TYROBP: variants seen among roughly 807,000 people sequenced by gnomAD.
The protein encoded by TYROBP is transmembrane immune signaling adaptor TYROBP.
Under a neutral mutation model 17.1 loss-of-function variants are expected in TYROBP, and 14 were observed. The observed-to-expected ratio is 0.82, with a 90% CI of 0.54 to 1.28. TYROBP has a LOEUF of 1.28. Among genes scored for constraint, TYROBP ranks in the 50% most tolerant of loss-of-function variants. The pLI, the probability that TYROBP is intolerant of heterozygous loss-of-function variation, is 0.00. For synonymous variants in TYROBP, 73 were observed against 67.4 expected, an observed-to-expected ratio of 1.08 and a Z score of -0.41; for missense variants, 161 against 151.4, an observed-to-expected ratio of 1.06 and a Z score of -0.33.
chr19:35,907,818 G>A, intron 1 of TYROBP, 56 bp from the exon 2 acceptor site: 1 of 1,591,224 alleles, frequency 6.3e-7, no homozygotes, highest in Non-Finnish European at 8.6e-7. Flanking sequence ...GGGTGGGGGA[G>A]GCAAGTTTAG....
chr19:35,908,096 C>T, intron 1 of TYROBP, 72 bp downstream of exon 1: 1 of 1,376,256 alleles, frequency 7.3e-7, no homozygotes, highest in Non-Finnish European at 1.0e-6. Context: ...TCTCTCGTTC[C>T]ACCCCACTCC....
chr19:35,907,246 C>G lies in TYROBP; in HGVS notation c.248G>C (p.Arg83Pro). The change falls in exon 4 of 5, where the codon CGT becomes CCT. Residue 83 changes from arginine to proline, a missense_variant. Transcript: ENST00000262629. ...GAAEAATRKQ[R>P]ITETESPYQE... ...ATAAGGCGACTCGGTCTCAGTGATACGCTGTTTCCGGGTCGCTGCTGGAGG... is the reference window on the plus strand; with the variant it reads ...ATAAGGCGACTCGGTCTCAGTGATAGGCTGTTTCCGGGTCGCTGCTGGAGG... 6.2e-7 allele frequency: 1 copy of G among 1,608,524 alleles called. No homozygotes were observed. The highest frequency in any genetic ancestry group is 8.5e-7 in the Non-Finnish European group (1 of 1,177,764).
Position 35,907,543 on chromosome 19 carries a change from T to C in TYROBP, c.132A>G (p.Ala44=). 1.9e-6 allele frequency: 3 copies of C among 1,613,818 alleles called. No individual in the cohort carries two copies. Among genetic ancestry groups the C allele is most frequent in the South Asian group, 1.1e-5 (1 of 91,078 alleles). The change falls in exon 3 of 5, where the codon GCA becomes GCG. Residue 44 remains alanine (A), a synonymous_variant. Coordinates refer to ENST00000262629, the MANE Select transcript of TYROBP (RefSeq NM_003332.4). The part of the protein sequence containing the change: ...SCSTVSPGVL[A]GIVMGDLVLT... ...GCACCAGGTCTCCCATCACGATCCCTGCCAGCACGCCCGGGCTCACCGTAG... is the reference window on the plus strand; with the variant it reads ...GCACCAGGTCTCCCATCACGATCCCCGCCAGCACGCCCGGGCTCACCGTAG...
chr19:35,908,048 G>T (rs925839273), intron 1 of TYROBP, 120 bp downstream of exon 1: 178 of 927,010 alleles, frequency 1.9e-4, no homozygotes, highest in Admixed American at 1.4e-3. Context: ...GCTTTGGGAG[G>T]TTGGGGACCT....
In TYROBP at chr19:35,908,238, T is replaced by C. The variant is rs371944485; in HGVS notation, c.-10A>G. 3.1e-6 allele frequency: 5 copies of C among 1,613,600 alleles called. No homozygotes were observed. The African/African-American group carries it at 5.3e-5, about 17-fold the overall frequency. ...GTTCAAGTCCCCCCATGAAGCCGGA[T>C]GCTGCTGGACACCACAGTGTAAGGG... On this transcript the variant is annotated 5_prime_UTR_variant, in exon 1 of 5. Coordinates refer to ENST00000262629, the MANE Select transcript of TYROBP (RefSeq NM_003332.4).
At chr19:35,906,467 G>C (rs1231903375) in intron 4 of TYROBP, among the ~76,000 whole-genome samples, 1 of 152,002 alleles carries the variant, frequency 6.6e-6, no homozygotes, top group Admixed American at 6.6e-5. Flanking sequence ...TTTTTGTGTA[G>C]ATTTTTCTGG....
chr19:35,907,871 G>A (rs1046341029), intron 1 of TYROBP, 109 bp from the exon 2 acceptor site: 12 of 1,189,350 alleles, frequency 1.0e-5, no homozygotes, highest in Non-Finnish European at 1.5e-5. Flanking sequence ...GGTTAGCAAG[G>A]GGGAGAGCGT....
chr19:35,906,749 CAG>C (rs1259492734), intron 4 of TYROBP, among the ~76,000 whole-genome samples: 4 of 138,788 alleles, frequency 2.9e-5, no homozygotes, highest in African/African-American at 6.0e-5. Flanking sequence ...TTTTTTTTGA[CAG>C]AGTTTTCCTC....
intron 4 of TYROBP, among the ~76,000 whole-genome samples, chr19:35,906,353 T>G (rs1342445894): frequency 6.6e-6 from 1 of 152,084 alleles, no homozygotes; most frequent in African/African-American, 2.4e-5. Flanking sequence ...CCTCCCAAAG[T>G]GCTGGGATTA....
At chr19:35,905,579 G>A (rs77479541) in intron 4 of TYROBP, among the ~76,000 whole-genome samples, 3,548 of 151,696 alleles carry the variant, frequency 0.023, 150 homozygotes, top group African/African-American at 0.079. Flanking sequence ...TTGGGAGACC[G>A]AGGTAACAGG....
Position 35,907,534 on chromosome 19 carries a change from C to T in TYROBP, c.141G>A (p.Val47=). 5 of 1,614,082 alleles carry T rather than the reference C, an allele frequency of 3.1e-6. No homozygotes were observed. The highest frequency in any genetic ancestry group is 4.2e-6 in the Non-Finnish European group (5 of 1,180,034). The stretch of plus-strand genomic sequence containing the variant: ...GCACTGTCAGCACCAGGTCTCCCAT[C>T]ACGATCCCTGCCAGCACGCCCGGGC... The part of the protein sequence containing the change: ...TVSPGVLAGI[V]MGDLVLTVLI... Residue 47 remains valine, a synonymous_variant, in exon 3 of 5, where the codon GTG becomes GTA. Coordinates refer to ENST00000262629, the MANE Select transcript of TYROBP (RefSeq NM_003332.4).
chr19:35,905,825 C>T (rs1280652735), intron 4 of TYROBP, among the ~76,000 whole-genome samples: 4 of 151,564 alleles, frequency 2.6e-5, no homozygotes, highest in African/African-American at 9.7e-5. Context: ...TGGTGGCATG[C>T]ACCTGTAGTT....
rs762095737 is a variant in TYROBP, at chr19:35,907,780, G to A, written c.62-18C>T. ...ACGGAGACCTGAGGAGGAAAAAGAAGGTAAACTGAGGCACAGAGTTATGAC... is the reference window on the plus strand; with the variant it reads ...ACGGAGACCTGAGGAGGAAAAAGAAAGTAAACTGAGGCACAGAGTTATGAC... On this transcript the variant is annotated intron_variant, in intron 1 of 4. Coordinates refer to ENST00000262629, the MANE Select transcript of TYROBP (RefSeq NM_003332.4). 35 of 1,613,592 alleles carry A rather than the reference G, an allele frequency of 2.2e-5. No homozygotes were observed. The East Asian group carries it at 7.1e-4, about 33-fold the overall frequency.
intron 3 of TYROBP, 62 bp from the exon 4 acceptor site, chr19:35,907,326 G>A: frequency 1.2e-6 from 2 of 1,608,802 alleles, no homozygotes; most frequent in Non-Finnish European, 1.7e-6. Context: ...AGGGTGTTTT[G>A]TCATTCCAAA....
chr19:35,907,556 G>C lies in TYROBP; in HGVS notation c.119C>G (p.Pro40Arg). ...QSDCSCSTVS[P>R]GVLAGIVMGD... ...CATCACGATCCCTGCCAGCACGCCCGGGCTCACCGTAGAGCAACTGCAATC... is the reference window on the plus strand; with the variant it reads ...CATCACGATCCCTGCCAGCACGCCCCGGCTCACCGTAGAGCAACTGCAATC... Residue 40 changes from proline to arginine, a missense_variant, in exon 3 of 5, where the codon CCG (proline) becomes CGG (arginine). Physicochemically the swap from Pro to Arg is moderately radical, Grantham distance 103. Coordinates refer to ENST00000262629, the MANE Select transcript of TYROBP (RefSeq NM_003332.4). 1 of 1,613,886 alleles carries C rather than the reference G, an allele frequency of 6.2e-7. No individual in the cohort carries two copies. Among genetic ancestry groups the C allele is most frequent in the East Asian group, 2.2e-5 (1 of 44,882 alleles).
chr19:35,907,301 C>T, intron 3 of TYROBP, 37 bp from the exon 4 acceptor site: 1 of 1,612,282 alleles, frequency 6.2e-7, no homozygotes, highest in South Asian at 1.1e-5. Context: ...CAGAGACAGG[C>T]AGAGTGGTGA....
chr19:35,904,690 T>G (rs1975675576), intron 4 of TYROBP, 56 bp from the exon 5 acceptor site: 1 of 1,557,928 alleles, frequency 6.4e-7, no homozygotes, highest in Non-Finnish European at 8.8e-7. Context: ...TCCAGCCTTC[T>G]CCCAGTGGCC....
intron 4 of TYROBP, among the ~76,000 whole-genome samples, chr19:35,904,839 T>C (rs1485653558): frequency 6.6e-6 from 1 of 152,038 alleles, no homozygotes; most frequent in Non-Finnish European, 1.5e-5. Context: ...TGCTGTTTCC[T>C]CTGCCTAAAA....
At position 35,907,460 on chromosome 19, in the gene TYROBP, C is replaced by G. The variant is rs563691426; in HGVS notation, c.215G>C (p.Arg72Pro). Residue 72 changes from arginine (R) to proline (P), a missense_variant, in exon 3 of 5, where the codon CGA becomes CCA. Arg to Pro is a moderately radical substitution (Grantham distance 103). Transcript: ENST00000262629. ...GCCCCACTCACCCTCCGCAGCCCCTCGCCCCCGAGGGACCAGCCGGCCCAG... is the reference window on the plus strand; with the variant it reads ...GCCCCACTCACCCTCCGCAGCCCCTGGCCCCCGAGGGACCAGCCGGCCCAG... ...YFLGRLVPRG[R>P]GAAEAATRKQ... The G allele has an allele frequency of 6.2e-7, 1 of 1,613,294 alleles. No homozygotes were observed. The highest frequency in any genetic ancestry group is 8.5e-7 in the Non-Finnish European group (1 of 1,179,952).
Sources: gnomAD v4.1 joint callset for allele counts (sites outside exome capture counted in the v4.1 genomes callset) on GRCh38, gnomAD v4.1.1 for gene constraint, MANE v1.5 for transcripts, NCBI Gene and HGNC (gene_info 2026-07-23, HGNC 2026-07-21) for gene names.